Variants in ARHGEF7 observed in about 807,000 individuals in gnomAD.
ARHGEF7 encodes the protein PAK-interacting exchange factor beta.
A neutral mutation model predicts 109.8 loss-of-function variants in ARHGEF7; 33 were observed. The observed-to-expected ratio is 0.30, with a 90% confidence interval of 0.23 to 0.40. The LOEUF is 0.40. Ranked by LOEUF, ARHGEF7 falls within the 10% of genes least tolerant of loss-of-function variation. ARHGEF7 has a pLI of 1.00. For synonymous variants in ARHGEF7, 458 were observed against 424.6 expected (o/e 1.08, Z -0.97); for missense variants, 938 against 1,098.5 (o/e 0.85, Z 2.07).
At chr13:111,154,388 A>G (rs1026679819) in intron 2 of ARHGEF7, among the ~76,000 whole-genome samples, 2 of 152,208 alleles carry the variant, frequency 1.3e-5, no homozygotes, top group Non-Finnish European at 2.9e-5. Flanking sequence ...GCTGGCATCT[A>G]GGTCTGGGTC....
intron 19 of ARHGEF7, chr13:111,293,730 T>C: frequency 1.0e-6 from 1 of 985,444 alleles, no homozygotes; most frequent in Non-Finnish European, 1.2e-6. Context: ...TTTTCCTTCT[T>C]CAGGGTGGCT....
chr13:111,287,549 T>C (rs1418538898), intron 17 of ARHGEF7, among the ~76,000 whole-genome samples: 1 of 152,134 alleles, frequency 6.6e-6, no homozygotes, highest in East Asian at 1.9e-4. Flanking sequence ...ACAAAACAAG[T>C]GAACAATGTG....
intron 2 of ARHGEF7, among the ~76,000 whole-genome samples, chr13:111,172,593 G>A (rs925467587): frequency 3.3e-5 from 5 of 152,068 alleles, no homozygotes; most frequent in African/African-American, 1.2e-4. Flanking sequence ...AATAAAACTT[G>A]GTTTTAAAAA....
At chr13:111,163,872 T>C (rs1453618137) in intron 2 of ARHGEF7, among the ~76,000 whole-genome samples, 1 of 152,220 alleles carries the variant, frequency 6.6e-6, no homozygotes, top group African/African-American at 2.4e-5. Context: ...TTTAACCCAG[T>C]GTATCCATAA....
At chr13:111,134,335 A>AACT (rs1488036955) in intron 1 of ARHGEF7, among the ~76,000 whole-genome samples, 1 of 152,144 alleles carries the variant, frequency 6.6e-6, no homozygotes, top group Non-Finnish European at 1.5e-5. Context: ...GTCAAATAGT[A>AACT]TTTCTAGTTC....
intron 2 of ARHGEF7, chr13:111,186,985 T>A: frequency 1.0e-6 from 1 of 985,740 alleles, no homozygotes; most frequent in Non-Finnish European, 1.2e-6. Context: ...ATTCTTTTGC[T>A]CTCGTGTCAG....
At chr13:111,293,378 G>A in intron 19 of ARHGEF7, 2 of 983,644 alleles carry the variant, frequency 2.0e-6, no homozygotes, top group South Asian at 9.4e-5. Context: ...ATGCCTCATT[G>A]TAATGGGATA....
Position 111,305,570 on chromosome 13 carries a change from T to G in ARHGEF7, c.*2457T>G, listed in dbSNP as rs1303303982. ...GCCTGCCCTGGTTGTGTGGACTCCTTAATGCCAATCATTTCTTCACTTCTC... is the reference window on the plus strand; with the variant it reads ...GCCTGCCCTGGTTGTGTGGACTCCTGAATGCCAATCATTTCTTCACTTCTC... On this transcript the variant is annotated 3_prime_UTR_variant, in exon 22 of 22. Transcript: ENST00000646102. The G allele has an allele frequency of 6.6e-6, 1 of 152,210 alleles. No homozygotes were observed. The highest frequency in any genetic ancestry group is 1.5e-5 in the Non-Finnish European group (1 of 68,042). The allele number at this position is 152,210 out of a possible 1,614,324, so 9.4% of individuals were successfully genotyped here.
chr13:111,269,236 A>G (rs1202282724), intron 9 of ARHGEF7, among the ~76,000 whole-genome samples: 1 of 152,232 alleles, frequency 6.6e-6, no homozygotes, highest in Non-Finnish European at 1.5e-5. Flanking sequence ...GGGAATTTAT[A>G]CATTGAATGA....
intron 4 of ARHGEF7, among the ~76,000 whole-genome samples, chr13:111,213,124 T>A (rs890040277): frequency 6.6e-6 from 1 of 152,092 alleles, no homozygotes; most frequent in Non-Finnish European, 1.5e-5. Context: ...TTTTGGATTG[T>A]TAGGGTAATT....
Position 111,272,644 on chromosome 13 carries a change from G to A in ARHGEF7, c.1074-1170G>A, listed in dbSNP as rs949296332. Among the ~76,000 whole-genome samples the A allele has an allele frequency of 1.3e-5, 2 of 152,098 alleles. No individual in the cohort carries two copies. The highest frequency in any genetic ancestry group is 2.4e-5 in the African/African-American group (1 of 41,410). ...GGATGGGGCGTGGTGATGGGGCGGG[G>A]GTCACCTGGGTCTCCTGGATGGGAT... On this transcript the variant is annotated intron_variant, in intron 9 of 21. Transcript: ENST00000646102. This position sits in a 1 kb window ranked among gnomAD's most constrained non-coding sequence, Gnocchi z 5.2.
intron 8 of ARHGEF7, among the ~76,000 whole-genome samples, chr13:111,264,903 G>A (rs1420691498): frequency 1.3e-5 from 2 of 152,078 alleles, no homozygotes; most frequent in Non-Finnish European, 2.9e-5. Context: ...AGAAGCAGAG[G>A]TTTATTTTCA....
rs548467403 is a variant in ARHGEF7, at chr13:111,279,449, C to T, written c.1507-823C>T. Among the ~76,000 whole-genome samples, 9 of 152,260 alleles carry T rather than the reference C, an allele frequency of 5.9e-5. No individual in the cohort carries two copies. In the East Asian group the frequency reaches 7.7e-4, roughly 13 times the overall value. On this transcript the variant is annotated intron_variant, in intron 13 of 21. Transcript: ENST00000646102. The stretch of plus-strand genomic sequence containing the variant: ...CTGCCACCCATTCTCTGTGGGGGCA[C>T]GTTCCCCACACCAGTTGAGCAGCAC...
intron 17 of ARHGEF7, among the ~76,000 whole-genome samples, chr13:111,287,485 A>G (rs2093070547): frequency 6.6e-6 from 1 of 152,244 alleles, no homozygotes; most frequent in African/African-American, 2.4e-5. Context: ...TGTGGCCGAA[A>G]GAGATCCCTG....
chr13:111,299,809 T>A (rs1289952208), intron 19 of ARHGEF7, among the ~76,000 whole-genome samples: 1 of 152,160 alleles, frequency 6.6e-6, no homozygotes, highest in Non-Finnish European at 1.5e-5. Flanking sequence ...CACTGTAGTT[T>A]CCATAGTTAG....
rs544096970 is a variant in ARHGEF7, at chr13:111,224,756, G to A, written c.670+6876G>A. 9.2e-5 allele frequency among the ~76,000 whole-genome samples: 14 copies of A among 152,344 alleles called. No homozygotes were observed. The South Asian group carries it at 2.9e-3, about 32-fold the overall frequency. On this transcript the variant is annotated intron_variant, in intron 5 of 21. Transcript: ENST00000646102. ...TAGCTGTGGAGGAACAGTGTTTGAT[G>A]TGAGTATAATCTGTGCGGGGAAAAG... is the stretch of plus-strand genomic sequence containing the variant.
intron 15 of ARHGEF7, among the ~76,000 whole-genome samples, chr13:111,281,619 A>G (rs1230119344): frequency 6.6e-6 from 1 of 152,110 alleles, no homozygotes; most frequent in Admixed American, 6.5e-5. Context: ...AAAATTCTCC[A>G]TTCTTTCATG....
At chr13:111,189,188 T>C (rs2079577396) in intron 2 of ARHGEF7, among the ~76,000 whole-genome samples, 1 of 152,230 alleles carries the variant, frequency 6.6e-6, no homozygotes, top group Admixed American at 6.5e-5. Context: ...AGCTTGGAGC[T>C]GGTGTCTGCC....
At chr13:111,213,269 G>A (rs769950577) in intron 4 of ARHGEF7, among the ~76,000 whole-genome samples, 9 of 152,200 alleles carry the variant, frequency 5.9e-5, no homozygotes, top group African/African-American at 9.7e-5. Context: ...CGGCCAGGTC[G>A]TGTGTGCCTG....
Sources: allele counts gnomAD v4.1 joint callset (sites outside exome capture counted in the v4.1 genomes callset), GRCh38; gene constraint gnomAD v4.1.1; non-coding constraint Gnocchi (gnomAD v3.1); transcripts MANE v1.5; gene names NCBI Gene and HGNC (gene_info 2026-07-23, HGNC 2026-07-21).